Variants in VTI1A observed in about 807,000 individuals in gnomAD.
VTI1A encodes vesicle transport through interaction with t-SNAREs 1A.
In VTI1A, 22 loss-of-function variants were observed where a neutral mutation model predicts 34.9. The observed-to-expected ratio is 0.63, with a 90% CI of 0.45 to 0.90. VTI1A has a LOEUF of 0.90. Among genes scored for constraint, VTI1A ranks in the 40% least tolerant of loss-of-function variants. The probability of loss-of-function intolerance (pLI) is 0.00; values close to 1 mark genes in which losing one functional copy is unlikely to be tolerated. For synonymous variants in VTI1A, 87 were observed against 97.3 expected (o/e 0.89, Z 0.62); for missense variants, 268 against 275.6 (o/e 0.97, Z 0.20).
chr10:112,526,996 G>A, intron 3 of VTI1A, 91 bp from the exon 4 acceptor site: 1 of 1,275,094 alleles, frequency 7.8e-7, no homozygotes, highest in Non-Finnish European at 1.1e-6. Context: ...GGGCTCTCGA[G>A]GTTTGAGATC....
chr10:112,522,033 G>T (rs1199768232), intron 3 of VTI1A, among the ~76,000 whole-genome samples: 1 of 151,986 alleles, frequency 6.6e-6, no homozygotes, highest in Non-Finnish European at 1.5e-5. Flanking sequence ...ACAGAAGTAT[G>T]ATATTATTTA....
chr10:112,595,821 C>T (rs1035035612), intron 5 of VTI1A, among the ~76,000 whole-genome samples: 1 of 151,912 alleles, frequency 6.6e-6, no homozygotes, highest in African/African-American at 2.4e-5. Flanking sequence ...GGTATATACC[C>T]AAAGGACTAT....
chr10:112,704,948 G>T (rs1849141967), intron 7 of VTI1A, among the ~76,000 whole-genome samples: 1 of 152,094 alleles, frequency 6.6e-6, no homozygotes. Flanking sequence ...GAGTGCAGTG[G>T]CACAATCATA....
intron 3 of VTI1A, among the ~76,000 whole-genome samples, chr10:112,477,660 G>T (rs550971460): frequency 6.6e-6 from 1 of 152,134 alleles, no homozygotes; most frequent in Non-Finnish European, 1.5e-5. Flanking sequence ...ACATTGCATG[G>T]CATTGGCCTT....
intron 5 of VTI1A, among the ~76,000 whole-genome samples, chr10:112,569,830 C>A (rs1489211709): frequency 6.6e-6 from 1 of 152,204 alleles, no homozygotes; most frequent in Non-Finnish European, 1.5e-5. Context: ...TAAGAAGTAA[C>A]TTCAGGTACT....
At chr10:112,701,383 T>G (rs1849004786) in intron 7 of VTI1A, among the ~76,000 whole-genome samples, 1 of 152,178 alleles carries the variant, frequency 6.6e-6, no homozygotes, top group African/African-American at 2.4e-5. Context: ...GAGGGAAATT[T>G]AGGGGGGCTC....
chr10:112,781,227 G>A (rs1175949710), intron 7 of VTI1A, among the ~76,000 whole-genome samples: 3 of 152,062 alleles, frequency 2.0e-5, no homozygotes, highest in African/African-American at 7.2e-5. Context: ...TTACAGGCAT[G>A]AGCCACCGCG....
At chr10:112,487,461 T>A (rs576584019) in intron 3 of VTI1A, among the ~76,000 whole-genome samples, 1 of 152,214 alleles carries the variant, frequency 6.6e-6, no homozygotes, top group Non-Finnish European at 1.5e-5. Flanking sequence ...AGGTTTATCA[T>A]TGGCAATTGG....
chr10:112,657,350 A>G (rs1195843145), intron 5 of VTI1A, among the ~76,000 whole-genome samples: 1 of 152,212 alleles, frequency 6.6e-6, no homozygotes, highest in Non-Finnish European at 1.5e-5. Context: ...ATTTTAACCC[A>G]GGTATCTTCT....
intron 5 of VTI1A, among the ~76,000 whole-genome samples, chr10:112,573,884 A>G (rs1852229926): frequency 6.6e-6 from 1 of 152,204 alleles, no homozygotes; most frequent in African/African-American, 2.4e-5. Flanking sequence ...TTGAAAATAT[A>G]TTAAGACTAA....
chr10:112,826,850 G>A, the VTI1A span: 1 of 152,176 alleles, frequency 6.6e-6, no homozygotes, highest in Non-Finnish European at 1.5e-5. Flanking sequence ...GTCTAAAGTA[G>A]CATCCCGTCA....
At chr10:112,478,735 T>C (rs1159991990) in intron 3 of VTI1A, among the ~76,000 whole-genome samples, 1 of 152,138 alleles carries the variant, frequency 6.6e-6, no homozygotes, top group Non-Finnish European at 1.5e-5. Flanking sequence ...TATATCATTT[T>C]ATTATTGTAT....
intron 3 of VTI1A, among the ~76,000 whole-genome samples, chr10:112,503,932 A>G (rs1351581668): frequency 6.6e-6 from 1 of 152,194 alleles, no homozygotes; most frequent in Admixed American, 6.5e-5. Context: ...AGGTTTCAGC[A>G]TTCTGCCACT....
chr10:112,618,522 T>TAGAGAGAGAGAGAG lies in VTI1A; in HGVS notation c.428-49695_428-49694insGAGAGAGAGAGAGA, dbSNP rs1350356577. ...ATATATATATATATATATATATATA[T>TAGAGAGAGAGAGAG]ATAGAGAGAGAGAGAGAGAGAGAGA... On this transcript the variant is annotated intron_variant, in intron 5 of 7. Transcript: ENST00000393077. 7.5e-3 allele frequency among the ~76,000 whole-genome samples: 325 copies of TAGAGAGAGAGAGAG among 43,606 alleles called. 1 individual carries two copies. Among genetic ancestry groups the TAGAGAGAGAGAGAG allele is most frequent in the Non-Finnish European group, 8.9e-3 (248 of 27,728 alleles). The allele number at this position is 43,606 out of a possible 152,430, so 28.6% of individuals were successfully genotyped here.
chr10:112,711,809 T>C (rs1341792658), intron 7 of VTI1A, among the ~76,000 whole-genome samples: 1 of 152,218 alleles, frequency 6.6e-6, no homozygotes, highest in Non-Finnish European at 1.5e-5. Context: ...AGATCGACGC[T>C]ACAGTTTGTG....
chr10:112,506,724 A>G (rs539094928), intron 3 of VTI1A, among the ~76,000 whole-genome samples: 4 of 152,290 alleles, frequency 2.6e-5, no homozygotes, highest in African/African-American at 9.6e-5. Context: ...TGCAAATCTC[A>G]TTTCCATTGA....
intron 5 of VTI1A, among the ~76,000 whole-genome samples, chr10:112,618,534 G>GAGAGAGAGAGAGAGAGAGAGAGAGAGAA (rs1554922606): frequency 1.6e-5 from 2 of 128,852 alleles, no homozygotes; most frequent in African/African-American, 6.0e-5. Flanking sequence ...TAGAGAGAGA[G>GAGAGAGAGAGAGAGAGAGAGAGAGAGAA]AGAGAGAGAG....
chr10:112,555,620 T>C (rs1285337661), intron 5 of VTI1A, among the ~76,000 whole-genome samples: 2 of 152,098 alleles, frequency 1.3e-5, no homozygotes, highest in African/African-American at 4.8e-5. Context: ...AGATCTTATA[T>C]TGACCTTAGT....
At chr10:112,534,215 C>T (rs1243491356) in intron 4 of VTI1A, among the ~76,000 whole-genome samples, 1 of 152,048 alleles carries the variant, frequency 6.6e-6, no homozygotes, top group Non-Finnish European at 1.5e-5. Flanking sequence ...GTGTGTGGCT[C>T]AGCAAATATT....
Sources: allele counts gnomAD v4.1 joint callset (sites outside exome capture counted in the v4.1 genomes callset), GRCh38; gene constraint gnomAD v4.1.1; transcripts MANE v1.5; gene names NCBI Gene and HGNC (gene_info 2026-07-23, HGNC 2026-07-21).